THAP6: variants seen among roughly 807,000 people sequenced by gnomAD.
The protein encoded by THAP6 is THAP domain containing 6.
In THAP6, 13 loss-of-function variants were observed where a neutral mutation model predicts 20.0. The observed-to-expected ratio is 0.65, with a 90% confidence interval of 0.42 to 1.03. The LOEUF (loss-of-function observed/expected upper bound fraction) is 1.03. THAP6 is among the 50% of genes least tolerant of loss of function. The pLI, the probability that THAP6 is intolerant of heterozygous loss-of-function variation, is 0.00. For synonymous variants in THAP6, 93 were observed against 92.2 expected (o/e 1.01, Z -0.05); for missense variants, 262 against 261.6 (o/e 1.00, Z -0.01).
chr4:75,515,263 A>G (rs146851758), intron 1 of THAP6, among the ~76,000 whole-genome samples, 170 bp from the exon 2 acceptor site: 6 of 152,236 alleles, frequency 3.9e-5, no homozygotes, highest in East Asian at 1.9e-4. Flanking sequence ...TCTCCTTATT[A>G]AAGAGTCAAG....
At position 75,527,435 on chromosome 4, in the gene THAP6, C is replaced by A; in HGVS notation, c.*221C>A. On this transcript the variant is annotated 3_prime_UTR_variant, in exon 5 of 5. Transcript: ENST00000311638. ...GTGACAATTATGTTTTATAGACCTACACTAGTGCCAGGTCACTATTGTAAG... is the reference window on the plus strand; with the variant it reads ...GTGACAATTATGTTTTATAGACCTAAACTAGTGCCAGGTCACTATTGTAAG... 7.4e-7 allele frequency: 1 copy of A among 1,342,506 alleles called. No individual in the cohort carries two copies. Among genetic ancestry groups the A allele is most frequent in the Non-Finnish European group, 9.5e-7 (1 of 1,047,964 alleles). 83.2% of individuals were successfully genotyped at this position (1,342,506 alleles called of 1,614,324 possible).
In THAP6 at chr4:75,529,026, C is replaced by A; in HGVS notation, c.*1812C>A. On this transcript the variant is annotated 3_prime_UTR_variant, in exon 5 of 5. Transcript: ENST00000311638. ...CAAGATCACGCCGTTGCACTCCAGC[C>A]TGAGCAACAGAGCAAGACTCCATCT... The A allele has an allele frequency of 2.6e-6, 2 of 767,086 alleles. No homozygotes were observed. Among genetic ancestry groups the A allele is most frequent in the Non-Finnish European group, 3.2e-6 (2 of 630,986 alleles). 47.5% of individuals were successfully genotyped at this position (767,086 alleles called of 1,614,324 possible).
chr4:75,529,988 T>C lies in THAP6; in HGVS notation c.*2774T>C, dbSNP rs1424224501. ...AAATAATTGAGAGAGAGAAAATCTA[T>C]TATAATTTATTTGAAAAATAAAACA... On this transcript the variant is annotated 3_prime_UTR_variant, in exon 5 of 5. Transcript: ENST00000311638. 1.1e-6 allele frequency: 1 copy of C among 908,412 alleles called. No homozygotes were observed. The highest frequency in any genetic ancestry group is 1.3e-6 in the Non-Finnish European group (1 of 759,780). 56.3% of individuals were successfully genotyped at this position (908,412 alleles called of 1,614,324 possible).
chr4:75,541,887 G>A (rs946401285), intron 2 of THAP6, among the ~76,000 whole-genome samples: 2 of 151,732 alleles, frequency 1.3e-5, no homozygotes, highest in African/African-American at 4.8e-5. Context: ...GCGCAGAGGG[G>A]CGGAGGTTTC....
intron 1 of THAP6, chr4:75,515,093 C>T (rs1725458562): frequency 4.9e-6 from 1 of 205,596 alleles, no homozygotes; most frequent in South Asian, 8.0e-5. Context: ...GGGAAGGCTT[C>T]CCTGGGGAAG....
Position 75,521,774 on chromosome 4 carries a change from C to T in THAP6, c.327C>T (p.Thr109=), listed in dbSNP as rs755278409. 2.5e-6 allele frequency: 4 copies of T among 1,612,880 alleles called. No individual in the cohort carries two copies. The East Asian group carries it at 8.9e-5, about 36-fold the overall frequency. The change falls in exon 4 of 5, where the codon ACC becomes ACT. Residue 109 remains threonine (T), a synonymous_variant. Transcript: ENST00000311638. ...REKLHCRKNF[T]LKTVPATNYN... ...AACTTCATTGTAGAAAAAACTTCAC[C>T]CTCAAAACCGTTCCAGCCACTAACT... is the stretch of plus-strand genomic sequence containing the variant.
Position 75,528,073 on chromosome 4 carries a change from T to C in THAP6, c.*859T>C. 3.0e-6 allele frequency: 3 copies of C among 984,452 alleles called. No individual in the cohort carries two copies. In the South Asian group the frequency reaches 1.4e-4, roughly 46 times the overall value. The allele number at this position is 984,452 out of a possible 1,614,324, so 61.0% of individuals were successfully genotyped here. A position where few individuals can be genotyped will look rare whatever the true frequency, so the allele number is the denominator to read the frequency against. ...ATGTAAAGTAGTATTGCTGACATTT[T>C]AAAAAAATACAAAATACAAAAGAAA... On this transcript the variant is annotated 3_prime_UTR_variant, in exon 5 of 5. Transcript: ENST00000311638.
chr4:75,537,267 A>T (rs140430221), intron 2 of THAP6, among the ~76,000 whole-genome samples: 77 of 152,258 alleles, frequency 5.1e-4, no homozygotes, highest in Non-Finnish European at 8.8e-4. Flanking sequence ...AGAACATGTG[A>T]ATATCACTAA....
chr4:75,528,843 G>A lies in THAP6; in HGVS notation c.*1629G>A. On this transcript the variant is annotated 3_prime_UTR_variant, in exon 5 of 5. Coordinates refer to ENST00000311638, the MANE Select transcript of THAP6 (RefSeq NM_144721.6). ...GCAGGCAGATCACTTGAGGTCAGGG[G>A]TTCAAAACCAGCCTGGCCAAGATGG... 1 of 883,596 alleles carries A rather than the reference G, an allele frequency of 1.1e-6. No homozygotes were observed. The highest frequency in any genetic ancestry group is 5.2e-5 in the South Asian group (1 of 19,258). 54.7% of individuals were successfully genotyped at this position (883,596 alleles called of 1,614,324 possible). A position where few individuals can be genotyped will look rare whatever the true frequency, so the allele number is the denominator to read the frequency against.
Position 75,516,942 on chromosome 4 carries a change from T to G in THAP6, c.251T>G (p.Val84Gly), listed in dbSNP as rs1162774948. The change falls in exon 3 of 5, where the codon GTC becomes GGC. Residue 84 changes from valine (V) to glycine (G), a missense_variant. Transcript: ENST00000311638. ...CCAAATATTAAACTGAAACCTGGAG[T>G]CATACCTTCTATCTTTGATTCTCCA... ...SAPNIKLKPGVIPSIFDSPYH... is the reference protein window; with the variant it reads ...SAPNIKLKPGGIPSIFDSPYH... 6.2e-7 allele frequency: 1 copy of G among 1,613,618 alleles called. No individual in the cohort carries two copies. Among genetic ancestry groups the G allele is most frequent in the Admixed American group, 1.7e-5 (1 of 59,962 alleles).
Position 75,527,386 on chromosome 4 carries a change from G to A in THAP6, c.*172G>A. ...CTTTTTTGAAAATATGCAGAAATTT[G>A]TGGTAATTATGTATTTGTGTCTTGT... is the stretch of plus-strand genomic sequence containing the variant. On this transcript the variant is annotated 3_prime_UTR_variant, in exon 5 of 5. Transcript: ENST00000311638. 7.0e-7 allele frequency: 1 copy of A among 1,418,644 alleles called. No homozygotes were observed. Among genetic ancestry groups the A allele is most frequent in the East Asian group, 2.5e-5 (1 of 39,418 alleles). The allele number at this position is 1,418,644 out of a possible 1,614,324, so 87.9% of individuals were successfully genotyped here. A position where few individuals can be genotyped will look rare whatever the true frequency, so the allele number is the denominator to read the frequency against.
chr4:75,540,714 A>T (rs1366052689), intron 2 of THAP6, among the ~76,000 whole-genome samples: 1 of 152,240 alleles, frequency 6.6e-6, no homozygotes, highest in Non-Finnish European at 1.5e-5. Flanking sequence ...TCAGCTACAG[A>T]CTTGCCAGTA....
intron 2 of THAP6, among the ~76,000 whole-genome samples, chr4:75,538,333 A>G (rs1726920693): frequency 6.6e-6 from 1 of 152,104 alleles, no homozygotes; most frequent in Non-Finnish European, 1.5e-5. Context: ...TCAAAAACAG[A>G]TAAAGGTGAG....
In THAP6 at chr4:75,528,073, TA is replaced by T; in HGVS notation, c.*866del. 1.0e-6 allele frequency: 1 copy of T among 984,452 alleles called. No homozygotes were observed. The highest frequency in any genetic ancestry group is 1.2e-6 in the Non-Finnish European group (1 of 829,052). 61.0% of individuals were successfully genotyped at this position (984,452 alleles called of 1,614,324 possible). A position where few individuals can be genotyped will look rare whatever the true frequency, so the allele number is the denominator to read the frequency against. ...ATGTAAAGTAGTATTGCTGACATTT[TA>T]AAAAAATACAAAATACAAAAGAAAC... On this transcript the variant is annotated 3_prime_UTR_variant, in exon 5 of 5. Coordinates refer to ENST00000311638, the MANE Select transcript of THAP6 (RefSeq NM_144721.6).
chr4:75,516,648 A>G, intron 2 of THAP6, 124 bp from the exon 3 acceptor site: 1 of 771,098 alleles, frequency 1.3e-6, no homozygotes, highest in Non-Finnish European at 2.0e-6. Context: ...CCTAAATATT[A>G]TAATTCTCAA....
At chr4:75,515,632 T>A in intron 2 of THAP6, 100 bp downstream of exon 2, 1 of 1,112,738 alleles carries the variant, frequency 9.0e-7, no homozygotes, top group South Asian at 1.3e-5. Flanking sequence ...AGTTCCCGAG[T>A]CCTTTTTAAA....
Position 75,527,989 on chromosome 4 carries a change from T to C in THAP6, c.*775T>C. ...ATGACTATTTCGTCATAAAGGTATA[T>C]GTTTAAAATCTGAATGGCAGTACTA... On this transcript the variant is annotated 3_prime_UTR_variant, in exon 5 of 5. Transcript: ENST00000311638. The C allele has an allele frequency of 1.0e-6, 1 of 985,444 alleles. No individual in the cohort carries two copies. Among genetic ancestry groups the C allele is most frequent in the Non-Finnish European group, 1.2e-6 (1 of 829,898 alleles). 61.0% of individuals were successfully genotyped at this position (985,444 alleles called of 1,614,324 possible).
In THAP6 at chr4:75,522,215, T is replaced by G. The variant is rs190372771; in HGVS notation, c.414+354T>G. The G allele has an allele frequency of 2.5e-5, 6 of 241,574 alleles. No individual in the cohort carries two copies. The Admixed American group carries it at 3.1e-4, about 13-fold the overall frequency. The allele number at this position is 241,574 out of a possible 1,614,324, so 15.0% of individuals were successfully genotyped here. The stretch of plus-strand genomic sequence containing the variant: ...TACAGAGTATTCAAGCTTGCATTTA[T>G]TTATTCATCTCATTGCTTATTCATG... On this transcript the variant is annotated intron_variant, in intron 4 of 4. Transcript: ENST00000311638.
chr4:75,542,115 C>A (rs1283646753), intron 2 of THAP6, among the ~76,000 whole-genome samples: 4 of 152,196 alleles, frequency 2.6e-5, no homozygotes, highest in African/African-American at 9.7e-5. Context: ...TCAAAGAAAT[C>A]TCCCAAACCC....
Sources: allele counts gnomAD v4.1 joint callset (sites outside exome capture counted in the v4.1 genomes callset), GRCh38; gene constraint gnomAD v4.1.1; transcripts MANE v1.5; gene names NCBI Gene and HGNC (gene_info 2026-07-23, HGNC 2026-07-21).